The following BTBD2 variants were observed in gnomAD, a reference collection of about 807,000 sequenced individuals.
BTBD2 encodes the protein BTB/POZ domain-containing protein 2.
A neutral mutation model predicts 44.0 loss-of-function variants in BTBD2; 15 were observed. The ratio of observed to expected loss-of-function variants is 0.34; its 90% CI spans 0.23 to 0.53. BTBD2 has a LOEUF of 0.53. BTBD2 is among the 20% of genes least tolerant of loss of function. The probability of loss-of-function intolerance (pLI) is 0.95; values close to 1 mark genes in which losing one functional copy is unlikely to be tolerated. For synonymous variants in BTBD2, 443 were observed against 335.9 expected (o/e 1.32, Z -3.49); for missense variants, 657 against 746.4 (o/e 0.88, Z 1.39).
chr19:1,986,218 G>A lies in BTBD2; in HGVS notation c.*270C>T, dbSNP rs527394821. 333 of 456,736 alleles carry A rather than the reference G, an allele frequency of 7.3e-4. No homozygotes were observed. Among genetic ancestry groups the A allele is most frequent in the African/African-American group, 5.7e-3 (292 of 50,868 alleles). 28.3% of individuals were successfully genotyped at this position (456,736 alleles called of 1,614,324 possible). Reference sequence around the variant, plus strand: ...GGGTCCGTGGGCCCTGGCCCAGGCCGGCACAGCCCTGTCCCTAGTCCTGAG... The same window carrying A: ...GGGTCCGTGGGCCCTGGCCCAGGCCAGCACAGCCCTGTCCCTAGTCCTGAG... On this transcript the variant is annotated 3_prime_UTR_variant, in exon 9 of 9. Coordinates refer to ENST00000255608, the MANE Select transcript of BTBD2 (RefSeq NM_017797.4).
chr19:2,000,989 CAGAA>C (rs1041843240), intron 1 of BTBD2, among the ~76,000 whole-genome samples: 60 of 152,192 alleles, frequency 3.9e-4, no homozygotes, highest in Non-Finnish European at 1.0e-4. Flanking sequence ...GATTCAGAGA[CAGAA>C]AGGATGGGGG....
At chr19:2,015,100 C>A (rs1266556857) in intron 1 of BTBD2, among the ~76,000 whole-genome samples, 197 bp downstream of exon 1, 4 of 131,494 alleles carry the variant, frequency 3.0e-5, no homozygotes, top group Non-Finnish European at 4.9e-5. Context: ...CAGGTGCAGG[C>A]CCCGGGGTGC....
At chr19:2,013,529 G>C in intron 1 of BTBD2, 1 of 986,146 alleles carries the variant, frequency 1.0e-6, no homozygotes, top group Non-Finnish European at 1.2e-6. Context: ...GGGGGTAGCA[G>C]GGCCCAGGGG....
chr19:2,013,690 C>T (rs1450381641), intron 1 of BTBD2: 1 of 984,140 alleles, frequency 1.0e-6, no homozygotes, highest in African/African-American at 1.8e-5. Context: ...AGTCTATGAT[C>T]TGGACTGCAG....
At chr19:2,008,885 A>G (rs2145649939) in intron 1 of BTBD2, among the ~76,000 whole-genome samples, 1 of 152,066 alleles carries the variant, frequency 6.6e-6, no homozygotes, top group African/African-American at 2.4e-5. Flanking sequence ...AAGTCTTCAC[A>G]AAGAATAAAG....
intron 1 of BTBD2, among the ~76,000 whole-genome samples, chr19:1,998,496 G>A (rs1004733384): frequency 6.6e-6 from 1 of 152,354 alleles, no homozygotes; most frequent in African/African-American, 2.4e-5. Context: ...GACGCTGGGG[G>A]TTCTGCCCCG....
In BTBD2 at chr19:2,015,411, GC is replaced by G; in HGVS notation, c.292del (p.Ala98ProfsTer93). 1 of 1,546,510 alleles carries G rather than the reference GC, an allele frequency of 6.5e-7. No homozygotes were observed. ...GCGCTCCTGCACGGTGGGCTTGCTGGCCTGCCAGTTGTACGCGGCCTCGCGC... is the reference window on the plus strand; with the variant it reads ...GCGCTCCTGCACGGTGGGCTTGCTGGCTGCCAGTTGTACGCGGCCTCGCGC... ...LQREAAYNWQ[A>X]SKPTVQERFA... On this transcript the variant is annotated frameshift_variant, in exon 1 of 9. Transcript: ENST00000255608. LOFTEE classifies it high-confidence loss of function.
At chr19:2,002,876 C>CAAAAAAA (rs56289592) in intron 1 of BTBD2, 1 of 102,748 alleles carries the variant, frequency 9.7e-6, no homozygotes. Flanking sequence ...GACTCCGTCT[C>CAAAAAAA]AAAAAAAAAA....
chr19:1,989,723 G>C (rs1396268037), intron 5 of BTBD2: 5 of 483,472 alleles, frequency 1.0e-5, no homozygotes, highest in African/African-American at 1.9e-5. Flanking sequence ...ACAAGGGCGC[G>C]AGACGGGGAC....
At chr19:2,015,095 G>A (rs1466211548) in intron 1 of BTBD2, among the ~76,000 whole-genome samples, 1 of 150,248 alleles carries the variant, frequency 6.7e-6, no homozygotes, top group African/African-American at 2.5e-5. Flanking sequence ...GGCCTCAGGT[G>A]CAGGCCCCGG....
At chr19:2,010,671 G>A (rs1481428763) in intron 1 of BTBD2, among the ~76,000 whole-genome samples, 1 of 142,172 alleles carries the variant, frequency 7.0e-6, no homozygotes, top group Non-Finnish European at 1.5e-5. Context: ...ACGGAGTCTC[G>A]CCCTGTCACC....
At position 2,015,707 on chromosome 19, in the gene BTBD2, G is replaced by A. The variant is rs1568225577; in HGVS notation, c.-4C>T. On this transcript the variant is annotated 5_prime_UTR_variant, in exon 1 of 9. Transcript: ENST00000255608. ...CGCCGCTCCCACCCGCCGCCATTTT[G>A]TGGCTGCGGCGTGGGCGGGGGAGGG... The A allele has an allele frequency of 1.0e-6, 1 of 963,200 alleles. No homozygotes were observed. Among genetic ancestry groups the A allele is most frequent in the Non-Finnish European group, 1.2e-6 (1 of 815,956 alleles). 59.7% of individuals were successfully genotyped at this position (963,200 alleles called of 1,614,324 possible). A position where few individuals can be genotyped will look rare whatever the true frequency, so the allele number is the denominator to read the frequency against.
intron 1 of BTBD2, among the ~76,000 whole-genome samples, chr19:2,011,862 CTTTTTTTT>C (rs377533680): frequency 2.7e-5 from 4 of 147,988 alleles, no homozygotes; most frequent in Admixed American, 2.7e-4. Flanking sequence ...ATTTTTTTTC[CTTTTTTTT>C]TTGAGACAGA....
intron 1 of BTBD2, among the ~76,000 whole-genome samples, chr19:2,010,820 G>T (rs1419341475): frequency 6.6e-6 from 1 of 152,118 alleles, no homozygotes; most frequent in Non-Finnish European, 1.5e-5. Flanking sequence ...TGTATTTTTA[G>T]TAGAGACGGG....
At chr19:2,014,821 G>C (rs537588117) in intron 1 of BTBD2, among the ~76,000 whole-genome samples, 44 of 151,096 alleles carry the variant, frequency 2.9e-4, no homozygotes, top group African/African-American at 1.0e-3. Context: ...CAGGGGTACA[G>C]GGCCTGGGAT....
chr19:1,989,925 G>A, intron 5 of BTBD2, 79 bp downstream of exon 5: 1 of 1,510,234 alleles, frequency 6.6e-7, no homozygotes, highest in Non-Finnish European at 9.1e-7. Context: ...TGAACTCGGG[G>A]GCACTATCCT....
chr19:2,011,381 G>T (rs959742561), intron 1 of BTBD2, among the ~76,000 whole-genome samples: 3 of 151,974 alleles, frequency 2.0e-5, no homozygotes, highest in African/African-American at 7.3e-5. Flanking sequence ...CCCATCCACG[G>T]CGCGTTCCAC....
At chr19:1,993,694 C>T (rs187538318) in intron 2 of BTBD2, among the ~76,000 whole-genome samples, 4 of 152,084 alleles carry the variant, frequency 2.6e-5, no homozygotes, top group East Asian at 1.9e-4. Flanking sequence ...GAAGTTGGGC[C>T]GATCAAAAAT....
chr19:2,003,007 T>C (rs975578000), intron 1 of BTBD2: 1 of 152,136 alleles, frequency 6.6e-6, no homozygotes, highest in Non-Finnish European at 1.5e-5. Flanking sequence ...CAGATTTTCC[T>C]TTATATCCAA....
Sources: allele counts gnomAD v4.1 joint callset (sites outside exome capture counted in the v4.1 genomes callset), GRCh38; gene constraint gnomAD v4.1.1; transcripts MANE v1.5; gene names NCBI Gene and HGNC (gene_info 2026-07-23, HGNC 2026-07-21).